The following KLHL23 variants were observed in gnomAD, a reference collection of about 807,000 sequenced individuals.
KLHL23 encodes kelch like family member 23, also known as kelch-like protein 23.
In KLHL23, 33 loss-of-function variants were observed where a neutral mutation model predicts 48.9. That is an observed-to-expected ratio of 0.67 (90% CI 0.51 to 0.90). The LOEUF (loss-of-function observed/expected upper bound fraction) is 0.90. Ranked by LOEUF, KLHL23 falls within the 40% of genes least tolerant of loss-of-function variation. The probability of loss-of-function intolerance (pLI) is 0.00; values close to 1 mark genes in which losing one functional copy is unlikely to be tolerated. For synonymous variants in KLHL23, 234 were observed against 231.6 expected, an observed-to-expected ratio of 1.01 and a Z score of -0.09; for missense variants, 608 against 669.6, an observed-to-expected ratio of 0.91 and a Z score of 1.02.
intron 1 of KLHL23, 26 bp from the exon 2 acceptor site, chr2:169,734,987 C>G: frequency 6.6e-7 from 1 of 1,515,928 alleles, no homozygotes; most frequent in East Asian, 2.3e-5. Context: ...ATTGAAAACA[C>G]ATTTGTTATT....
chr2:169,740,935 G>T (rs1688664159), intron 2 of KLHL23: 1 of 152,460 alleles, frequency 6.6e-6, no homozygotes, highest in African/African-American at 2.4e-5. Flanking sequence ...TCCACATCTT[G>T]TCCCACTTGC....
rs1558952641 is a variant in KLHL23, at chr2:169,750,096, G to GTA, written c.*365_*366insAT. The GTA allele has an allele frequency of 9.6e-6, 1 of 103,718 alleles. No individual in the cohort carries two copies. The highest frequency in any genetic ancestry group is 3.4e-5 in the African/African-American group (1 of 29,012). The allele number at this position is 103,718 out of a possible 1,614,324, so 6.4% of individuals were successfully genotyped here. A position where few individuals can be genotyped will look rare whatever the true frequency, so the allele number is the denominator to read the frequency against. ...TATACGTATGTATGTATACATATAT[G>GTA]TGTATACATATATATGTGTGTATAT... On this transcript the variant is annotated 3_prime_UTR_variant, in exon 4 of 4. Coordinates refer to ENST00000392647, the MANE Select transcript of KLHL23 (RefSeq NM_144711.6).
At chr2:169,739,243 A>G (rs1688615492) in intron 2 of KLHL23, among the ~76,000 whole-genome samples, 1 of 151,810 alleles carries the variant, frequency 6.6e-6, no homozygotes, top group Non-Finnish European at 1.5e-5. Context: ...AAGCCCCTTC[A>G]AAATCAGGCC....
chr2:169,734,654 G>C (rs1688469758), intron 1 of KLHL23, among the ~76,000 whole-genome samples: 1 of 152,218 alleles, frequency 6.6e-6, no homozygotes. Flanking sequence ...GCCGAGCCGA[G>C]ACAGCTGAGG....
intron 3 of KLHL23, among the ~76,000 whole-genome samples, chr2:169,743,504 G>T (rs925171263): frequency 1.3e-5 from 2 of 152,276 alleles, no homozygotes; most frequent in East Asian, 1.9e-4. Context: ...TCAGTACCTT[G>T]CATGATGTGT....
intron 2 of KLHL23, among the ~76,000 whole-genome samples, chr2:169,740,770 A>T (rs1489076084): frequency 1.1e-5 from 1 of 87,894 alleles, no homozygotes; most frequent in Non-Finnish European, 2.3e-5. Context: ...TTTATATTAT[A>T]TATATATATA....
intron 3 of KLHL23, among the ~76,000 whole-genome samples, chr2:169,747,915 A>G (rs1245692288): frequency 6.6e-6 from 1 of 152,092 alleles, no homozygotes; most frequent in Admixed American, 6.6e-5. Context: ...TCTTGAGGCC[A>G]GGAGTTGTAG....
At position 169,749,398 on chromosome 2, in the gene KLHL23, GTTTTCTTT is replaced by G; in HGVS notation, c.1367-13_1367-6del. ...GTTTGTTATCCTTTAAAAAAATGCT[GTTTTCTTT>G]TTTTCTTTTTAAAAGAATATGGATT... On this transcript the variant is annotated splice_polypyrimidine_tract_variant and intron_variant, in intron 3 of 3. Coordinates refer to ENST00000392647, the MANE Select transcript of KLHL23 (RefSeq NM_144711.6). 3.9e-6 allele frequency: 6 copies of G among 1,550,078 alleles called. No individual in the cohort carries two copies. Among genetic ancestry groups the G allele is most frequent in the Non-Finnish European group, 5.2e-6 (6 of 1,149,254 alleles).
At position 169,735,022 on chromosome 2, in the gene KLHL23, T is replaced by C; in HGVS notation, c.8T>C (p.Leu3Pro). 1 of 1,541,194 alleles carries C rather than the reference T, an allele frequency of 6.5e-7. No individual in the cohort carries two copies. The highest frequency in any genetic ancestry group is 1.4e-5 in the African/African-American group (1 of 72,132). Residue 3 changes from leucine to proline, a missense_variant, in exon 2 of 4, where the codon CTA (leucine) becomes CCA (proline). This residue lies in a region of KLHL23 where 419 missense variants were observed against 473.1 expected (regional missense o/e 0.89). Transcript: ENST00000392647. The surrounding 1 kb of genome is among the most constrained non-coding windows in gnomAD (Gnocchi z 4.5). MA[L>P]KGQEDYIYLF... ...TTCATATTTATTGCAGCCATGGCTC[T>C]AAAAGGACAAGAAGATTATATTTAT...
Position 169,736,665 on chromosome 2 carries a change from G to A in KLHL23, c.1213+438G>A, listed in dbSNP as rs1688525587. ...TTTGCAATTCAGTCCTCTCTGAGAG[G>A]GGCAGACACCATACTCTCCCTCATG... On this transcript the variant is annotated intron_variant, in intron 2 of 3. Coordinates refer to ENST00000392647, the MANE Select transcript of KLHL23 (RefSeq NM_144711.6). Among the ~76,000 whole-genome samples the A allele has an allele frequency of 1.3e-5, 2 of 152,006 alleles. 1 individual carries two copies. Among genetic ancestry groups the A allele is most frequent in the South Asian group, 4.2e-4 (2 of 4,806 alleles).
chr2:169,744,949 T>TG lies in KLHL23; in HGVS notation c.1366+3412_1366+3413insG, dbSNP rs200492869. Among the ~76,000 whole-genome samples the TG allele has an allele frequency of 4.6e-3, 691 of 151,708 alleles. 2 individuals are homozygous for TG. Among genetic ancestry groups the TG allele is most frequent in the African/African-American group, 0.016 (662 of 41,316 alleles). ...CTCTAGGTTTTTGTTTTTTGTTTTT[T>TG]TTTTTTTAAAGACAGTCTCGCTCTG... On this transcript the variant is annotated intron_variant, in intron 3 of 3. Transcript: ENST00000392647.
At chr2:169,745,406 G>A (rs1012510991) in intron 3 of KLHL23, among the ~76,000 whole-genome samples, 4 of 151,538 alleles carry the variant, frequency 2.6e-5, no homozygotes, top group Non-Finnish European at 5.9e-5. Context: ...CTAGCTACTC[G>A]GGAGGCTGAG....
intron 3 of KLHL23, among the ~76,000 whole-genome samples, chr2:169,744,910 T>A (rs919772898): frequency 2.7e-4 from 41 of 151,234 alleles, no homozygotes; most frequent in Non-Finnish European, 3.7e-4. Flanking sequence ...AGCAAGAGAA[T>A]GATGTGTGAT....
chr2:169,738,259 A>G (rs1558946288), intron 2 of KLHL23, among the ~76,000 whole-genome samples: 3 of 151,122 alleles, frequency 2.0e-5, no homozygotes, highest in Non-Finnish European at 4.4e-5. Context: ...ACAATTTTTA[A>G]AATTTTATTT....
rs1688916667 is a variant in KLHL23, at chr2:169,750,003, G to GTGTATATATACGTATGTATACATATA, written c.*290_*291insACATATATGTATATATACGTATGTAT. Reference sequence around the variant, plus strand: ...TATATATACGTATGTATACATATATGTGTATATATACGTATGTATGTATAC... The same window carrying GTGTATATATACGTATGTATACATATA: ...TATATATACGTATGTATACATATATGTGTATATATACGTATGTATACATATATGTATATATACGTATGTATGTATAC... On this transcript the variant is annotated 3_prime_UTR_variant, in exon 4 of 4. Transcript: ENST00000392647. 2 of 183,222 alleles carry GTGTATATATACGTATGTATACATATA rather than the reference G, an allele frequency of 1.1e-5. No individual in the cohort carries two copies. Among genetic ancestry groups the GTGTATATATACGTATGTATACATATA allele is most frequent in the Non-Finnish European group, 2.2e-5 (2 of 90,946 alleles). The allele number at this position is 183,222 out of a possible 1,614,324, so 11.3% of individuals were successfully genotyped here.
At position 169,749,364 on chromosome 2, in the gene KLHL23, A is replaced by C. The variant is rs1278497820; in HGVS notation, c.1367-58A>C. 1.2e-5 allele frequency: 18 copies of C among 1,454,268 alleles called. No individual in the cohort carries two copies. In the Admixed American group the frequency reaches 4.1e-4, roughly 33 times the overall value. The allele number at this position is 1,454,268 out of a possible 1,614,324, so 90.1% of individuals were successfully genotyped here. On this transcript the variant is annotated intron_variant, in intron 3 of 3. Transcript: ENST00000392647. ...GATTATTACATTACCACACTGTGGAATCTCTTTTGTTTGTTATCCTTTAAA... is the reference window on the plus strand; with the variant it reads ...GATTATTACATTACCACACTGTGGACTCTCTTTTGTTTGTTATCCTTTAAA...
intron 2 of KLHL23, among the ~76,000 whole-genome samples, chr2:169,740,766 T>TTTTATATATATATATATATATATATA (rs1553477016): frequency 6.1e-4 from 76 of 125,390 alleles, no homozygotes; most frequent in East Asian, 3.8e-3. Context: ...CTTTTTTATA[T>TTTTATATATATATATATATATATATA]TATATATATA....
chr2:169,742,484 A>T (rs1688699005), intron 3 of KLHL23, among the ~76,000 whole-genome samples: 1 of 152,232 alleles, frequency 6.6e-6, no homozygotes, highest in Non-Finnish European at 1.5e-5. Context: ...CACAGTTTGA[A>T]AGTGGTAGAC....
At chr2:169,743,523 G>A (rs1430359139) in intron 3 of KLHL23, among the ~76,000 whole-genome samples, 1 of 152,198 alleles carries the variant, frequency 6.6e-6, no homozygotes, top group African/African-American at 2.4e-5. Context: ...GTTCTGTTTA[G>A]CTTTCACAGT....
Sources: allele counts gnomAD v4.1 joint callset (sites outside exome capture counted in the v4.1 genomes callset), GRCh38; gene constraint gnomAD v4.1.1; regional missense constraint gnomAD v4.1.1; non-coding constraint Gnocchi (gnomAD v3.1); transcripts MANE v1.5; gene names NCBI Gene and HGNC (gene_info 2026-07-23, HGNC 2026-07-21).